The following ITGB8 variants were observed in gnomAD, a reference collection of about 807,000 sequenced individuals.
ITGB8 encodes integrin beta-8.
A neutral mutation model predicts 89.5 loss-of-function variants in ITGB8; 30 were observed. That is an observed-to-expected ratio of 0.34 (90% CI 0.25 to 0.45). The LOEUF is 0.45. ITGB8 is among the 20% of genes least tolerant of loss of function. ITGB8 has a pLI of 1.00. For synonymous variants in ITGB8, 335 were observed against 320.4 expected (o/e 1.05, Z -0.49); for missense variants, 836 against 933.3 (o/e 0.90, Z 1.36).
intron 9 of ITGB8, among the ~76,000 whole-genome samples, chr7:20,400,211 G>T (rs552327896): frequency 5.0e-4 from 72 of 145,388 alleles, no homozygotes; most frequent in African/African-American, 1.9e-3. Context: ...CTTTTACATT[G>T]TTTTTTTTCT....
intron 4 of ITGB8, chr7:20,380,432 ATCT>A (rs1786331031): frequency 4.5e-6 from 2 of 447,332 alleles, no homozygotes; most frequent in Admixed American, 4.2e-5. Flanking sequence ...ATGTTTAATC[ATCT>A]TTATTTTTTT....
intron 1 of ITGB8, among the ~76,000 whole-genome samples, chr7:20,335,341 G>T (rs1784540265): frequency 6.6e-6 from 1 of 152,162 alleles, no homozygotes; most frequent in East Asian, 1.9e-4. Context: ...TTCTATTATA[G>T]TTCCATTAAA....
At chr7:20,383,121 G>A (rs1014820985) in intron 6 of ITGB8, among the ~76,000 whole-genome samples, 2 of 152,166 alleles carry the variant, frequency 1.3e-5, no homozygotes, top group Admixed American at 1.3e-4. Context: ...TGAAATTTGT[G>A]TGGTTCCCAT....
intron 1 of ITGB8, among the ~76,000 whole-genome samples, chr7:20,357,396 T>C (rs1191154467): frequency 6.6e-6 from 1 of 152,234 alleles, no homozygotes; most frequent in Non-Finnish European, 1.5e-5. Flanking sequence ...AAAGACAGCA[T>C]GTTACATTTA....
At chr7:20,348,513 C>G (rs940868105) in intron 1 of ITGB8, among the ~76,000 whole-genome samples, 1 of 152,158 alleles carries the variant, frequency 6.6e-6, no homozygotes, top group African/African-American at 2.4e-5. Flanking sequence ...TATCTAAGAA[C>G]TGTTTTATTG....
At chr7:20,339,658 GTTC>G (rs1784688812) in intron 1 of ITGB8, among the ~76,000 whole-genome samples, 1 of 152,180 alleles carries the variant, frequency 6.6e-6, no homozygotes, top group African/African-American at 2.4e-5. Context: ...TTGTTAAAGT[GTTC>G]TTATCAGATA....
chr7:20,335,140 T>A (rs1419065477), intron 1 of ITGB8, among the ~76,000 whole-genome samples: 1 of 152,218 alleles, frequency 6.6e-6, no homozygotes, highest in Non-Finnish European at 1.5e-5. Flanking sequence ...TCATTTTATT[T>A]TAAAATATTT....
chr7:20,362,187 C>G (rs1337579535), intron 1 of ITGB8, among the ~76,000 whole-genome samples: 1 of 152,100 alleles, frequency 6.6e-6, no homozygotes, highest in Non-Finnish European at 1.5e-5. Flanking sequence ...ACCTCCAGGT[C>G]AGAACTGCTT....
intron 9 of ITGB8, 57 bp from the exon 10 acceptor site, chr7:20,401,664 T>C (rs1407789672): frequency 9.8e-7 from 1 of 1,016,414 alleles, no homozygotes; most frequent in East Asian, 2.7e-5. Context: ...GATATAATAT[T>C]GGTAATAAAA....
intron 1 of ITGB8, among the ~76,000 whole-genome samples, chr7:20,350,853 C>T (rs527887203): frequency 6.6e-6 from 1 of 152,344 alleles, no homozygotes; most frequent in South Asian, 2.1e-4. Context: ...GAGCTGTCCC[C>T]TGGCAAAAGC....
chr7:20,334,428 TCA>T (rs1784510135), intron 1 of ITGB8, among the ~76,000 whole-genome samples: 1 of 152,196 alleles, frequency 6.6e-6, no homozygotes, highest in Non-Finnish European at 1.5e-5. Context: ...ATTTCAGATA[TCA>T]CAGTTTCTTT....
chr7:20,394,907 C>A lies in ITGB8; in HGVS notation c.1068C>A (p.Pro356=), dbSNP rs1409921894. The A allele has an allele frequency of 3.7e-6, 6 of 1,612,294 alleles. No homozygotes were observed. The highest frequency in any genetic ancestry group is 2.7e-5 in the African/African-American group (2 of 74,988). Residue 356 remains proline, a synonymous_variant, in exon 8 of 14, where the codon CCC becomes CCA. Transcript: ENST00000222573. ...GATATGTTTTATAGGATCTTCTACC[C>A]CTCTTGCCAGGCACCATTGCTGGTG... ...KQFHWYKDLL[P]LLPGTIAGEI...
intron 1 of ITGB8, among the ~76,000 whole-genome samples, chr7:20,356,331 T>G (rs980289557): frequency 6.6e-6 from 1 of 152,204 alleles, no homozygotes; most frequent in Non-Finnish European, 1.5e-5. Context: ...ATAGCATATA[T>G]TTCTCTGCAA....
In ITGB8 at chr7:20,379,141, A is replaced by G; in HGVS notation, c.479A>G (p.His160Arg). 6.2e-7 allele frequency: 1 copy of G among 1,608,030 alleles called. No homozygotes were observed. Among genetic ancestry groups the G allele is most frequent in the Non-Finnish European group, 8.5e-7 (1 of 1,176,286 alleles). Reference protein sequence around the residue: ...YYLVDVSASMHNNIEKLNSVG... With the variant: ...YYLVDVSASMRNNIEKLNSVG... ...CTTGTTGATGTCTCAGCATCAATGCACAATAATATAGAAAAATTAAATTCC... is the reference window on the plus strand; with the variant it reads ...CTTGTTGATGTCTCAGCATCAATGCGCAATAATATAGAAAAATTAAATTCC... The change falls in exon 4 of 14, where the codon CAC (histidine) becomes CGC (arginine). Residue 160 changes from histidine (H) to arginine (R), a missense_variant. His to Arg is a conservative substitution (Grantham distance 29). This residue lies in a region of ITGB8 where 38 missense variants were observed against 52.2 expected (regional missense o/e 0.73). Transcript: ENST00000222573.
rs560712553 is a variant in ITGB8, at chr7:20,354,966, T to TG, written c.128-8666dup. On this transcript the variant is annotated intron_variant, in intron 1 of 13. Transcript: ENST00000222573. ...TACACTCTAATCATTTATCACCCTC[T>TG]GGGGGAGATTATTGTATAGACATTG... 1.2e-4 allele frequency among the ~76,000 whole-genome samples: 19 copies of TG among 152,314 alleles called. No homozygotes were observed. In the East Asian group the frequency reaches 2.7e-3, roughly 22 times the overall value.
At chr7:20,386,371 T>C (rs1786619313) in intron 6 of ITGB8, among the ~76,000 whole-genome samples, 1 of 149,468 alleles carries the variant, frequency 6.7e-6, no homozygotes, top group African/African-American at 2.5e-5. Context: ...CCCGAGTAGC[T>C]GGGACTACAG....
chr7:20,361,052 GC>G (rs776205693), intron 1 of ITGB8, among the ~76,000 whole-genome samples: 52 of 149,750 alleles, frequency 3.5e-4, no homozygotes, highest in Admixed American at 6.1e-4. Context: ...CATTCTGACT[GC>G]CATAAGATGG....
intron 1 of ITGB8, among the ~76,000 whole-genome samples, chr7:20,336,871 A>T (rs1583462726): frequency 1.3e-5 from 2 of 152,238 alleles, no homozygotes; most frequent in East Asian, 3.8e-4. Flanking sequence ...TAACTTGAGG[A>T]TAATAGTGAG....
rs903266823 is a variant in ITGB8, at chr7:20,412,128, A to C, written c.*2131A>C. ...TAACCCCATCTCATATTCTACCCTA[A>C]AGAGAACTGAAAAACCTATAATAAG... On this transcript the variant is annotated 3_prime_UTR_variant, in exon 14 of 14. Coordinates refer to ENST00000222573, the MANE Select transcript of ITGB8 (RefSeq NM_002214.3). 5.2e-5 allele frequency: 8 copies of C among 152,680 alleles called. No individual in the cohort carries two copies. In the South Asian group the frequency reaches 1.7e-3, roughly 32 times the overall value. 9.5% of individuals were successfully genotyped at this position (152,680 alleles called of 1,614,324 possible).
Sources: allele counts gnomAD v4.1 joint callset (sites outside exome capture counted in the v4.1 genomes callset), GRCh38; gene constraint gnomAD v4.1.1; regional missense constraint gnomAD v4.1.1; transcripts MANE v1.5; gene names NCBI Gene and HGNC (gene_info 2026-07-23, HGNC 2026-07-21).